SNTG1: variants seen among roughly 807,000 people sequenced by gnomAD.
The protein encoded by SNTG1 is syntrophin gamma 1, also known as gamma-1-syntrophin.
SNTG1 carries 39 observed loss-of-function variants against 74.7 expected under a neutral mutation model. The ratio of observed to expected loss-of-function variants is 0.52; its 90% CI spans 0.40 to 0.68. The LOEUF (loss-of-function observed/expected upper bound fraction) is 0.68, where lower values mean the gene tolerates loss of function less well. Ranked by LOEUF, SNTG1 falls within the 30% of genes least tolerant of loss-of-function variation. The pLI is 0.00. For missense variants in SNTG1, 685 were observed against 609.5 expected (o/e 1.12, Z -1.30); for synonymous variants, 254 against 217.1 (o/e 1.17, Z -1.49).
chr8:50,742,694 A>G (rs890201542), intron 17 of SNTG1, among the ~76,000 whole-genome samples: 7 of 151,800 alleles, frequency 4.6e-5, no homozygotes, highest in Non-Finnish European at 1.0e-4. Flanking sequence ...TATAGTTGAA[A>G]AAAATAAAAT....
intron 1 of SNTG1, among the ~76,000 whole-genome samples, chr8:50,017,657 TAA>T (rs1461991660): frequency 6.6e-6 from 1 of 151,770 alleles, no homozygotes; most frequent in Non-Finnish European, 1.5e-5. Flanking sequence ...TAAAATGTTA[TAA>T]GAGTCAAAAA....
chr8:50,224,751 T>C (rs1483835519), intron 2 of SNTG1, among the ~76,000 whole-genome samples: 2 of 152,108 alleles, frequency 1.3e-5, no homozygotes, highest in Admixed American at 6.5e-5. Context: ...AGCATTAACA[T>C]TGAAACAGAG....
In SNTG1 at chr8:50,015,728, C is replaced by A. The variant is rs1299288140; in HGVS notation, c.-103+103497C>A. Among the ~76,000 whole-genome samples, 5 of 152,228 alleles carry A rather than the reference C, an allele frequency of 3.3e-5. No homozygotes were observed. The South Asian group carries it at 1.0e-3, about 32-fold the overall frequency. On this transcript the variant is annotated intron_variant, in intron 1 of 18. Coordinates refer to ENST00000642720, the MANE Select transcript of SNTG1 (RefSeq NM_018967.5). ...TTATTAATCAAAATAGGAACCATTA[C>A]AATCAACACATTGTTGCCAATGACA...
chr8:50,082,655 A>T (rs1417142986), intron 1 of SNTG1, among the ~76,000 whole-genome samples: 1 of 152,148 alleles, frequency 6.6e-6, no homozygotes, highest in East Asian at 1.9e-4. Context: ...GTCCTGGAGA[A>T]AGTTTTTAAA....
chr8:49,987,839 G>A (rs1359579389), intron 1 of SNTG1, among the ~76,000 whole-genome samples: 4 of 151,796 alleles, frequency 2.6e-5, no homozygotes, highest in African/African-American at 9.7e-5. Flanking sequence ...CGGTAGAGCC[G>A]GGGTTTCACC....
chr8:50,414,736 TGTGTGTGCATGTGTGTGC>T (rs2092993277), intron 4 of SNTG1, among the ~76,000 whole-genome samples: 1 of 152,078 alleles, frequency 6.6e-6, no homozygotes, highest in South Asian at 2.1e-4. Flanking sequence ...ATTAGTTGTG[TGTGTGTGCATGTGTGTGC>T]GTGTGTGGGT....
At chr8:50,236,302 C>T (rs2085891492) in intron 2 of SNTG1, among the ~76,000 whole-genome samples, 1 of 152,012 alleles carries the variant, frequency 6.6e-6, no homozygotes, top group Admixed American at 6.6e-5. Flanking sequence ...ACAGACATTC[C>T]ATAATATTTA....
At chr8:50,626,301 A>G (rs1475382563) in intron 13 of SNTG1, among the ~76,000 whole-genome samples, 1 of 152,230 alleles carries the variant, frequency 6.6e-6, no homozygotes, top group Non-Finnish European at 1.5e-5. Flanking sequence ...CAACAAAGGC[A>G]GAAGTGCAAG....
In SNTG1 at chr8:50,661,421, G is replaced by A. The variant is rs559612765; in HGVS notation, c.1038+2758G>A. Reference sequence around the variant, plus strand: ...TCCTACAAGTCATCTTAACTTATGCGGCCATCAGAAGTGTCTATGAGAGTG... The same window carrying A: ...TCCTACAAGTCATCTTAACTTATGCAGCCATCAGAAGTGTCTATGAGAGTG... On this transcript the variant is annotated intron_variant, in intron 15 of 18. Transcript: ENST00000642720. Among the ~76,000 whole-genome samples, 14 of 152,140 alleles carry A rather than the reference G, an allele frequency of 9.2e-5. No homozygotes were observed. In the South Asian group the frequency reaches 1.5e-3, roughly 16 times the overall value.
At chr8:50,778,131 T>C (rs1273704159) in intron 18 of SNTG1, among the ~76,000 whole-genome samples, 1 of 152,220 alleles carries the variant, frequency 6.6e-6, no homozygotes, top group African/African-American at 2.4e-5. Flanking sequence ...CTTCCAAGTG[T>C]TTGCTATTGT....
At chr8:50,260,731 A>G (rs1388203468) in intron 2 of SNTG1, among the ~76,000 whole-genome samples, 1 of 138,946 alleles carries the variant, frequency 7.2e-6, no homozygotes, top group Non-Finnish European at 1.6e-5. Flanking sequence ...TAATGTAAGT[A>G]GAGAAATAGC....
chr8:50,297,369 A>G (rs2089434480), intron 2 of SNTG1, among the ~76,000 whole-genome samples: 1 of 152,192 alleles, frequency 6.6e-6, no homozygotes, highest in African/African-American at 2.4e-5. Flanking sequence ...TTACAATTTC[A>G]CAGATAGATG....
intron 12 of SNTG1, among the ~76,000 whole-genome samples, chr8:50,589,909 G>T (rs1201376980): frequency 6.6e-6 from 1 of 152,120 alleles, no homozygotes; most frequent in Admixed American, 6.6e-5. Flanking sequence ...CATGGTTTCT[G>T]TACCTAACCT....
At chr8:50,303,575 C>T (rs1326512988) in intron 2 of SNTG1, among the ~76,000 whole-genome samples, 1 of 151,952 alleles carries the variant, frequency 6.6e-6, no homozygotes, top group Non-Finnish European at 1.5e-5. Context: ...CATATTACAT[C>T]TTCTAGAAAT....
chr8:50,294,436 T>A (rs2089269963), intron 2 of SNTG1, among the ~76,000 whole-genome samples: 1 of 152,226 alleles, frequency 6.6e-6, no homozygotes, highest in South Asian at 2.1e-4. Flanking sequence ...AATTGGTTCA[T>A]ATAATTATGG....
intron 2 of SNTG1, among the ~76,000 whole-genome samples, chr8:50,237,855 A>G (rs1208739490): frequency 3.9e-5 from 6 of 152,106 alleles, no homozygotes; most frequent in African/African-American, 1.4e-4. Flanking sequence ...TTGTCCTGAA[A>G]TTACCTATTT....
At chr8:50,726,412 G>C (rs1009363730) in intron 17 of SNTG1, among the ~76,000 whole-genome samples, 1 of 152,144 alleles carries the variant, frequency 6.6e-6, no homozygotes, top group Non-Finnish European at 1.5e-5. Flanking sequence ...GGCCGAAGTT[G>C]GGGGAGCGCT....
At chr8:50,138,341 A>G (rs2081543993) in intron 1 of SNTG1, among the ~76,000 whole-genome samples, 1 of 151,920 alleles carries the variant, frequency 6.6e-6, no homozygotes. Context: ...TTCTGGCTGG[A>G]CGTGGTGGCT....
At chr8:50,602,642 T>A (rs1034851958) in intron 13 of SNTG1, among the ~76,000 whole-genome samples, 1 of 152,212 alleles carries the variant, frequency 6.6e-6, no homozygotes, top group Admixed American at 6.5e-5. Flanking sequence ...TAACATCATT[T>A]TCTTTCATGT....
Sources: gnomAD v4.1 joint callset for allele counts (sites outside exome capture counted in the v4.1 genomes callset) on GRCh38, gnomAD v4.1.1 for gene constraint, MANE v1.5 for transcripts, NCBI Gene and HGNC (gene_info 2026-07-23, HGNC 2026-07-21) for gene names.